PRKCH: variants seen among roughly 807,000 people sequenced by gnomAD.
The protein encoded by PRKCH is protein kinase C eta type.
PRKCH carries 28 observed loss-of-function variants against 82.5 expected under a neutral mutation model. That is an observed-to-expected ratio of 0.34 (90% confidence interval 0.25 to 0.47). PRKCH has a LOEUF of 0.47. PRKCH is among the 20% of genes least tolerant of loss of function. PRKCH has a pLI of 1.00. For synonymous variants in PRKCH, 322 were observed against 327.4 expected, an observed-to-expected ratio of 0.98 and a Z score of 0.18; for missense variants, 705 against 881.8, an observed-to-expected ratio of 0.80 and a Z score of 2.54.
intron 1 of PRKCH, among the ~76,000 whole-genome samples, chr14:61,283,016 C>T (rs1255904397): frequency 6.6e-6 from 1 of 151,774 alleles, no homozygotes; most frequent in African/African-American, 2.4e-5. Flanking sequence ...GGAAGGAATT[C>T]AGTTTTCACA....
rs72712373 is a variant in PRKCH, at chr14:61,527,786, C to T, written c.1434-1289C>T. Among the ~76,000 whole-genome samples the T allele has an allele frequency of 3.0e-3, 451 of 152,238 alleles. 1 individual carries two copies. The highest frequency in any genetic ancestry group is 4.7e-3 in the Non-Finnish European group (320 of 68,006). On this transcript the variant is annotated intron_variant, in intron 10 of 13. Coordinates refer to ENST00000332981, the MANE Select transcript of PRKCH (RefSeq NM_006255.5). ...CCTGTGCTGCCCGCCCCTCAGCCTC[C>T]TCCACCATACCCAGGGTTCTCTGAG...
At chr14:61,422,466 C>A (rs1396541853) in intron 2 of PRKCH, among the ~76,000 whole-genome samples, 1 of 151,582 alleles carries the variant, frequency 6.6e-6, no homozygotes, top group Admixed American at 6.6e-5. Flanking sequence ...TATCCTGTTC[C>A]CCTCATTCTC....
chr14:61,319,338 A>C (rs974060090), upstream of PRKCH, among the ~76,000 whole-genome samples: 2 of 152,064 alleles, frequency 1.3e-5, no homozygotes, highest in African/African-American at 4.8e-5. Context: ...ACCCCTTGGC[A>C]CCGTGGGCTT....
chr14:61,404,597 A>T (rs1184368297), intron 2 of PRKCH, among the ~76,000 whole-genome samples: 1 of 152,130 alleles, frequency 6.6e-6, no homozygotes, highest in Non-Finnish European at 1.5e-5. Context: ...TTTGGTGTGT[A>T]TGTGGAGACA....
intron 1 of PRKCH, among the ~76,000 whole-genome samples, chr14:61,381,760 G>T (rs1298350304): frequency 6.6e-6 from 1 of 152,246 alleles, no homozygotes; most frequent in Non-Finnish European, 1.5e-5. Flanking sequence ...GCACCCTCAG[G>T]TGCTAGTGGC....
At chr14:61,393,874 G>A (rs750753243) in intron 2 of PRKCH, among the ~76,000 whole-genome samples, 18 of 152,332 alleles carry the variant, frequency 1.2e-4, no homozygotes, top group African/African-American at 1.7e-4. Context: ...CACCTAATGC[G>A]GTTTCCCTCC....
intron 10 of PRKCH, among the ~76,000 whole-genome samples, chr14:61,512,343 C>T (rs1887415913): frequency 6.7e-6 from 1 of 149,452 alleles, no homozygotes; most frequent in South Asian, 2.1e-4. Flanking sequence ...CCAGGAAAAT[C>T]CAGGAGTAGA....
chr14:61,195,743 T>A (rs1308608548), intron 1 of PRKCH, among the ~76,000 whole-genome samples: 1 of 152,200 alleles, frequency 6.6e-6, no homozygotes, highest in Non-Finnish European at 1.5e-5. Context: ...GGCTTGTAGA[T>A]GGCCACCTTC....
chr14:61,198,312 T>G (rs539475660), intron 1 of PRKCH, among the ~76,000 whole-genome samples: 1 of 152,338 alleles, frequency 6.6e-6, no homozygotes, highest in Admixed American at 6.5e-5. Flanking sequence ...ATGTATGCTC[T>G]GCCCCAGCCT....
chr14:61,340,157 T>C (rs560794820), intron 1 of PRKCH, among the ~76,000 whole-genome samples: 6 of 152,078 alleles, frequency 3.9e-5, no homozygotes, highest in African/African-American at 1.4e-4. Context: ...TCATTTTTCT[T>C]CCCGGTGCCC....
chr14:61,246,461 C>A (rs1039450898), intron 1 of PRKCH, among the ~76,000 whole-genome samples: 1 of 151,924 alleles, frequency 6.6e-6, no homozygotes, highest in Non-Finnish European at 1.5e-5. Context: ...ATCATGAATC[C>A]ATGCCCCTCA....
In PRKCH at chr14:61,443,179, G is replaced by A. The variant is rs765731544; in HGVS notation, c.496G>A (p.Val166Ile). 6.2e-7 allele frequency: 1 copy of A among 1,614,086 alleles called. No homozygotes were observed. The change falls in exon 3 of 14, where the codon GTC becomes ATC. Residue 166 changes from valine (V) to isoleucine (I), a missense_variant. Around this residue, in one of 5 missense-constraint regions of PRKCH, gnomAD observed 246 missense variants for 308.0 expected, o/e 0.80. Coordinates refer to ENST00000332981, the MANE Select transcript of PRKCH (RefSeq NM_006255.5). ...RKRQRAMRRR[V>I]HQINGHKFMA... ...GCGCCAAAGGGCTATGCGAAGGCGAGTCCACCAGATCAATGGACACAAGTT... is the reference window on the plus strand; with the variant it reads ...GCGCCAAAGGGCTATGCGAAGGCGAATCCACCAGATCAATGGACACAAGTT...
Position 61,376,368 on chromosome 14 carries a change from T to C in PRKCH, c.364-14857T>C, listed in dbSNP as rs568650165. ...CTGTCTTGTGGTTCAGTTATTCCTG[T>C]GTGGATGACTCTACCTGCAGCCCAG... On this transcript the variant is annotated intron_variant, in intron 1 of 13. Coordinates refer to ENST00000332981, the MANE Select transcript of PRKCH (RefSeq NM_006255.5). 1.2e-4 allele frequency among the ~76,000 whole-genome samples: 19 copies of C among 152,346 alleles called. 1 individual carries two copies. The East Asian group carries it at 3.5e-3, about 28-fold the overall frequency.
chr14:61,504,101 C>G (rs1178646046), intron 10 of PRKCH, among the ~76,000 whole-genome samples: 1 of 152,126 alleles, frequency 6.6e-6, no homozygotes, highest in African/African-American at 2.4e-5. Context: ...GTAGGTCAGA[C>G]CCCATGTCAT....
At chr14:61,399,404 T>C (rs1881475178) in intron 2 of PRKCH, among the ~76,000 whole-genome samples, 1 of 152,246 alleles carries the variant, frequency 6.6e-6, no homozygotes, top group South Asian at 2.1e-4. Context: ...GGTTTTTTAA[T>C]GTATATGTTT....
At chr14:61,485,114 T>G (rs1255179251) in intron 9 of PRKCH, among the ~76,000 whole-genome samples, 1 of 152,106 alleles carries the variant, frequency 6.6e-6, no homozygotes, top group Non-Finnish European at 1.5e-5. Context: ...ACCTGCTAGG[T>G]GTCCTTTACT....
chr14:61,536,878 C>A (rs1445921408), intron 12 of PRKCH, among the ~76,000 whole-genome samples: 1 of 152,136 alleles, frequency 6.6e-6, no homozygotes, highest in Non-Finnish European at 1.5e-5. Flanking sequence ...CGCAACACCC[C>A]CGAGGTTGTG....
rs550512600 is a variant in PRKCH at position 61,391,255 on chromosome 14, G to A, written c.394G>A (p.Val132Met). 6.2e-7 allele frequency: 1 copy of A among 1,611,194 alleles called. No homozygotes were observed. The highest frequency in any genetic ancestry group is 1.7e-5 in the Admixed American group (1 of 59,690). ...TCTCGAGCCAGAGGGGAAAGTATTT[G>A]TGGTAATAACCCTTACCGGGAGTTT... ...VDLEPEGKVF[V>M]VITLTGSFTE... The change falls in exon 2 of 14, where the codon GTG (valine) becomes ATG (methionine). Residue 132 changes from valine to methionine, a missense_variant. This residue lies in a region of PRKCH where 246 missense variants were observed against 308.0 expected (regional missense o/e 0.80). Transcript: ENST00000332981.
At chr14:61,528,794 T>C in intron 10 of PRKCH, 1 of 230,764 alleles carries the variant, frequency 4.3e-6, no homozygotes, top group Non-Finnish European at 8.6e-6. Context: ...CATTCTGCCC[T>C]CCGTTTTTAC....
Sources: gnomAD v4.1 joint callset for allele counts (sites outside exome capture counted in the v4.1 genomes callset) on GRCh38, gnomAD v4.1.1 for gene constraint, gnomAD v4.1.1 regional missense constraint, MANE v1.5 for transcripts, NCBI Gene and HGNC (gene_info 2026-07-23, HGNC 2026-07-21) for gene names.